The following C1orf21 variants were observed in gnomAD, a reference collection of about 807,000 sequenced individuals.
The protein encoded by C1orf21 is chromosome 1 open reading frame 21.
C1orf21 carries 3 observed loss-of-function variants against 18.7 expected under a neutral mutation model. The observed-to-expected ratio is 0.16, with a 90% CI of 0.07 to 0.42. The LOEUF is 0.42. C1orf21 is among the 10% of genes least tolerant of loss of function. C1orf21 has a pLI of 0.99. For missense variants in C1orf21, 104 were observed against 143.6 expected (o/e 0.72, Z 1.41); for synonymous variants, 41 against 46.4 (o/e 0.88, Z 0.47).
chr1:184,570,520 C>A (rs1424929127), intron 3 of C1orf21, among the ~76,000 whole-genome samples: 2 of 152,062 alleles, frequency 1.3e-5, no homozygotes, highest in Non-Finnish European at 2.9e-5. Context: ...TGAAGTCTAA[C>A]CAAACTTCAT....
chr1:184,532,570 C>T (rs972802199), intron 3 of C1orf21, among the ~76,000 whole-genome samples: 5 of 151,964 alleles, frequency 3.3e-5, no homozygotes, highest in Non-Finnish European at 4.4e-5. Flanking sequence ...CATAAAAAGA[C>T]GCTGTCTCTA....
At chr1:184,515,534 T>C (rs905016728) in intron 3 of C1orf21, among the ~76,000 whole-genome samples, 1 of 152,202 alleles carries the variant, frequency 6.6e-6, no homozygotes, top group African/African-American at 2.4e-5. Flanking sequence ...AAAAGTATAT[T>C]ACCCCAGACT....
At chr1:184,471,059 C>T (rs775745433) in intron 1 of C1orf21, among the ~76,000 whole-genome samples, 6 of 152,084 alleles carry the variant, frequency 3.9e-5, no homozygotes, top group Non-Finnish European at 8.8e-5. Context: ...GAAATAGTGT[C>T]AGCCATGCAT....
intron 1 of C1orf21, among the ~76,000 whole-genome samples, chr1:184,411,416 C>CT (rs1199251450): frequency 0.045 from 4,295 of 95,658 alleles, 32 homozygotes; most frequent in Non-Finnish European, 0.062. Flanking sequence ...TGGGTATTTC[C>CT]TTTTTTTTTT....
At chr1:184,519,543 A>G (rs1658276502) in intron 3 of C1orf21, among the ~76,000 whole-genome samples, 1 of 151,998 alleles carries the variant, frequency 6.6e-6, no homozygotes, top group Non-Finnish European at 1.5e-5. Flanking sequence ...GAGTCGGGGG[A>G]AATGAGTGAC....
chr1:184,425,349 T>C (rs1431824996), intron 1 of C1orf21, among the ~76,000 whole-genome samples: 5 of 151,344 alleles, frequency 3.3e-5, no homozygotes. Context: ...CCCTGCAGCC[T>C]CCACCTCCTG....
rs576087379 is a variant in C1orf21 at position 184,623,504 on chromosome 1, T to A, written c.*3948T>A. On this transcript the variant is annotated 3_prime_UTR_variant, in exon 6 of 6. Transcript: ENST00000235307. ...TGTTTAAAACCCCAACCAAAAAAAA[T>A]AATAAGGCATGATTGGTGGGGAGGG... 2.0e-5 allele frequency: 3 copies of A among 152,100 alleles called. No homozygotes were observed. Among genetic ancestry groups the A allele is most frequent in the Admixed American group, 1.3e-4 (2 of 15,282 alleles). 9.4% of individuals were successfully genotyped at this position (152,100 alleles called of 1,614,324 possible).
chr1:184,440,894 G>C lies in C1orf21; in HGVS notation c.-124-36492G>C, dbSNP rs182466986. Among the ~76,000 whole-genome samples the C allele has an allele frequency of 4.6e-5, 7 of 152,266 alleles. No homozygotes were observed. The East Asian group carries it at 1.3e-3, about 29-fold the overall frequency. ...TCCAAGAAAATCAAATCCTAGAAAG[G>C]TCGCATTTCCTTTTGAATGTTGACA... is the stretch of plus-strand genomic sequence containing the variant. On this transcript the variant is annotated intron_variant, in intron 1 of 5. Coordinates refer to ENST00000235307, the MANE Select transcript of C1orf21 (RefSeq NM_030806.4).
intron 3 of C1orf21, among the ~76,000 whole-genome samples, chr1:184,584,550 T>C (rs898272969): frequency 5.3e-5 from 8 of 152,194 alleles, no homozygotes; most frequent in Non-Finnish European, 1.0e-4. Context: ...CTATGTAATC[T>C]AGCAGTTCTA....
At chr1:184,582,936 T>G (rs191687149) in intron 3 of C1orf21, among the ~76,000 whole-genome samples, 7 of 152,302 alleles carry the variant, frequency 4.6e-5, no homozygotes, top group Admixed American at 1.3e-4. Flanking sequence ...TCTCCCGGTT[T>G]CAAGAGATTC....
chr1:184,609,061 G>T (rs1367672850), intron 5 of C1orf21, among the ~76,000 whole-genome samples: 1 of 152,150 alleles, frequency 6.6e-6, no homozygotes, highest in Non-Finnish European at 1.5e-5. Context: ...GAGCCCTGTG[G>T]TCCCTCAAAC....
chr1:184,546,742 C>T (rs1207847005), intron 3 of C1orf21, among the ~76,000 whole-genome samples: 4 of 152,196 alleles, frequency 2.6e-5, no homozygotes, highest in Non-Finnish European at 5.9e-5. Context: ...AAACAAAAGG[C>T]AACCTCCAGG....
intron 1 of C1orf21, among the ~76,000 whole-genome samples, chr1:184,425,087 T>C (rs765945398): frequency 1.2e-4 from 18 of 152,168 alleles, no homozygotes; most frequent in Non-Finnish European, 2.4e-4. Flanking sequence ...ATAAGGCTCA[T>C]GAATGGGGCC....
At chr1:184,518,217 AT>A (rs1658258341) in intron 3 of C1orf21, among the ~76,000 whole-genome samples, 1 of 152,224 alleles carries the variant, frequency 6.6e-6, no homozygotes, top group Admixed American at 6.5e-5. Context: ...TGAGAGATTT[AT>A]TAAATCAGTC....
At chr1:184,507,806 T>A in intron 3 of C1orf21, 124 bp downstream of exon 3, 3 of 750,318 alleles carry the variant, frequency 4.0e-6, no homozygotes, top group Non-Finnish European at 6.2e-6. Context: ...CTGCAGCTAT[T>A]TATAGCTTGC....
intron 2 of C1orf21, among the ~76,000 whole-genome samples, chr1:184,504,742 GGTGTGTT>G (rs931898857): frequency 1.3e-5 from 2 of 152,134 alleles, no homozygotes; most frequent in African/African-American, 4.8e-5. Flanking sequence ...GATTTTGTGC[GGTGTGTT>G]GTGTAAGTAA....
chr1:184,447,383 GCA>G (rs971305161), intron 1 of C1orf21, among the ~76,000 whole-genome samples: 4 of 152,188 alleles, frequency 2.6e-5, no homozygotes, highest in African/African-American at 9.6e-5. Flanking sequence ...CAGCCTTAGT[GCA>G]CACTGTCCTG....
chr1:184,478,005 G>T (rs1657598050), intron 2 of C1orf21, among the ~76,000 whole-genome samples: 1 of 152,142 alleles, frequency 6.6e-6, no homozygotes, highest in Admixed American at 6.5e-5. Flanking sequence ...CTTTACTTTG[G>T]ATCATCTACA....
chr1:184,428,917 G>A (rs967510853), intron 1 of C1orf21, among the ~76,000 whole-genome samples: 4 of 152,096 alleles, frequency 2.6e-5, no homozygotes, highest in East Asian at 1.9e-4. Context: ...AAAGGATCTG[G>A]TCAGGAAAAT....
Sources: gnomAD v4.1 joint callset for allele counts (sites outside exome capture counted in the v4.1 genomes callset) on GRCh38, gnomAD v4.1.1 for gene constraint, MANE v1.5 for transcripts, NCBI Gene and HGNC (gene_info 2026-07-23, HGNC 2026-07-21) for gene names.